The following VGLL4 variants were observed in gnomAD, a reference collection of about 807,000 sequenced individuals.
The protein encoded by VGLL4 is transcription cofactor vestigial-like protein 4.
Under a neutral mutation model 21.0 loss-of-function variants are expected in VGLL4, and 7 were observed. That is an observed-to-expected ratio of 0.33 (90% CI 0.19 to 0.63). VGLL4 has a LOEUF of 0.63. VGLL4 is among the 20% of genes least tolerant of loss of function. VGLL4 has a pLI of 0.78. For synonymous variants in VGLL4, 222 were observed against 173.2 expected (o/e 1.28, Z -2.21); for missense variants, 394 against 425.7 (o/e 0.93, Z 0.66).
intron 2 of VGLL4, among the ~76,000 whole-genome samples, chr3:11,687,469 TTTTG>T (rs1417741814): frequency 7.9e-5 from 12 of 152,086 alleles, no homozygotes; most frequent in Non-Finnish European, 1.5e-4. Context: ...TGAGTTTTGT[TTTTG>T]TTTTTGTTTT....
chr3:11,640,749 A>C (rs2075673553), intron 1 of VGLL4, among the ~76,000 whole-genome samples: 1 of 152,190 alleles, frequency 6.6e-6, no homozygotes, highest in South Asian at 2.1e-4. Context: ...TCAGTCAGGA[A>C]GGAAGACCTT....
At chr3:11,656,160 TC>T (rs2075954953) in intron 2 of VGLL4, among the ~76,000 whole-genome samples, 1 of 152,162 alleles carries the variant, frequency 6.6e-6, no homozygotes, top group Admixed American at 6.5e-5. Flanking sequence ...AGGCTCATGA[TC>T]CCTAAGGAGG....
intron 2 of VGLL4, among the ~76,000 whole-genome samples, chr3:11,665,462 G>T (rs984994136): frequency 1.3e-5 from 2 of 152,154 alleles, no homozygotes; most frequent in Admixed American, 1.3e-4. Context: ...ATCCCAACAT[G>T]CCTTCATACA....
intron 2 of VGLL4, among the ~76,000 whole-genome samples, chr3:11,679,726 A>T (rs1416507670): frequency 2.0e-5 from 3 of 152,182 alleles, no homozygotes; most frequent in Non-Finnish European, 4.4e-5. Context: ...ATATAAAGAA[A>T]GAAAGTATTT....
At chr3:11,661,763 C>T (rs1271797853) in intron 2 of VGLL4, among the ~76,000 whole-genome samples, 6 of 152,128 alleles carry the variant, frequency 3.9e-5, no homozygotes, top group African/African-American at 7.2e-5. Context: ...TGAGCCACTG[C>T]GCCCAGCCTG....
In VGLL4 at chr3:11,568,065, T is replaced by A. The variant is rs920438815; in HGVS notation, c.273-3046A>T. Among the ~76,000 whole-genome samples, 2 of 152,150 alleles carry A rather than the reference T, an allele frequency of 1.3e-5. No individual in the cohort carries two copies. Among genetic ancestry groups the A allele is most frequent in the African/African-American group, 4.8e-5 (2 of 41,436 alleles). On this transcript the variant is annotated intron_variant, in intron 2 of 4. Coordinates refer to ENST00000430365, the MANE Select transcript of VGLL4 (RefSeq NM_001128219.3). This position sits in a 1 kb window ranked among gnomAD's most constrained non-coding sequence, Gnocchi z 5.9. ...GTTACAGCCCTGCCTTCTCATGGGC[T>A]TACAATCTAGCAGGGACAGAAAGGC...
At chr3:11,703,552 T>C (rs1575546337) in intron 1 of VGLL4, among the ~76,000 whole-genome samples, 1 of 152,266 alleles carries the variant, frequency 6.6e-6, no homozygotes, top group East Asian at 1.9e-4. Context: ...TCATGTTTTG[T>C]ATAATGGTAT....
rs1407861510 is a variant in VGLL4 at position 11,719,983 on chromosome 3, C to G, written c.-14+411G>C. On this transcript the variant is annotated intron_variant, in intron 1 of 5. Transcript: ENST00000273038. This position sits in a 1 kb window ranked among gnomAD's most constrained non-coding sequence, Gnocchi z 4.0. The stretch of plus-strand genomic sequence containing the variant: ...GCCCCCGAGGCCCCGCCAGGGGACA[C>G]AGCGCCGTGCAAATGTACAAACACA... Among the ~76,000 whole-genome samples, 1 of 152,128 alleles carries G rather than the reference C, an allele frequency of 6.6e-6. No homozygotes were observed. Among genetic ancestry groups the G allele is most frequent in the Non-Finnish European group, 1.5e-5 (1 of 68,002 alleles).
chr3:11,574,781 A>ATGTG (rs1288636397), intron 2 of VGLL4, among the ~76,000 whole-genome samples: 34 of 121,002 alleles, frequency 2.8e-4, no homozygotes, highest in African/African-American at 9.9e-4. Context: ...CAATTCAACT[A>ATGTG]TATATGTGTG....
intron 2 of VGLL4, among the ~76,000 whole-genome samples, chr3:11,667,492 A>G (rs1470149875): frequency 2.0e-5 from 3 of 152,204 alleles, no homozygotes; most frequent in Non-Finnish European, 2.9e-5. Context: ...TTTATCATAT[A>G]CCATTTATCT....
chr3:11,595,314 A>G (rs939875943), intron 2 of VGLL4, among the ~76,000 whole-genome samples: 2 of 152,186 alleles, frequency 1.3e-5, no homozygotes, highest in African/African-American at 4.8e-5. Flanking sequence ...TAGAATGGCA[A>G]TCATTAAAAA....
chr3:11,567,969 G>T (rs568549231), intron 2 of VGLL4, among the ~76,000 whole-genome samples: 125 of 152,256 alleles, frequency 8.2e-4, no homozygotes, highest in Admixed American at 2.2e-3. Context: ...GTCTGCCTCC[G>T]AATTTAGACG....
chr3:11,694,372 G>T (rs760415482), intron 2 of VGLL4, among the ~76,000 whole-genome samples: 6 of 152,208 alleles, frequency 3.9e-5, no homozygotes, highest in Admixed American at 6.5e-5. Context: ...TGTAATCCCA[G>T]CACTTTGGGA....
At chr3:11,664,850 G>C (rs185874106) in intron 2 of VGLL4, among the ~76,000 whole-genome samples, 15 of 151,978 alleles carry the variant, frequency 9.9e-5, no homozygotes, top group Admixed American at 5.9e-4. Flanking sequence ...ATGACAAAGA[G>C]TAAAAATTCA....
chr3:11,603,804 G>C (rs1322582390), intron 1 of VGLL4, among the ~76,000 whole-genome samples: 1 of 152,164 alleles, frequency 6.6e-6, no homozygotes, highest in African/African-American at 2.4e-5. Flanking sequence ...AGCAACAAGA[G>C]TTGCTATGGA....
intron 3 of VGLL4, among the ~76,000 whole-genome samples, chr3:11,559,851 G>C (rs1481441781): frequency 6.6e-6 from 1 of 152,100 alleles, no homozygotes; most frequent in African/African-American, 2.4e-5. Context: ...CTGAGCCGCG[G>C]GTGTGCCTGG....
At chr3:11,700,590 T>C (rs1235777311) in intron 2 of VGLL4, among the ~76,000 whole-genome samples, 4 of 152,064 alleles carry the variant, frequency 2.6e-5, no homozygotes, top group Non-Finnish European at 4.4e-5. Context: ...CCTGACACGA[T>C]GTCCTCCTAA....
intron 2 of VGLL4, among the ~76,000 whole-genome samples, chr3:11,685,396 A>G (rs1236410967): frequency 2.0e-5 from 3 of 152,026 alleles, no homozygotes; most frequent in African/African-American, 7.2e-5. Context: ...ACGGGGTTTC[A>G]TCATGTTGGT....
chr3:11,671,513 G>A, intron 2 of VGLL4: 1 of 631,356 alleles, frequency 1.6e-6, no homozygotes, highest in East Asian at 2.8e-5. Flanking sequence ...AAGTTTCGCA[G>A]TCTGCCCTGC....
Sources: allele counts gnomAD v4.1 joint callset (sites outside exome capture counted in the v4.1 genomes callset), GRCh38; gene constraint gnomAD v4.1.1; non-coding constraint Gnocchi (gnomAD v3.1); transcripts MANE v1.5; gene names NCBI Gene and HGNC (gene_info 2026-07-23, HGNC 2026-07-21).